The following LASP1 variants were observed in gnomAD, a reference collection of about 807,000 sequenced individuals.
LASP1 encodes the protein LIM and SH3 domain protein 1.
LASP1 carries 10 observed loss-of-function variants against 38.6 expected under a neutral mutation model. The observed-to-expected ratio is 0.26, with a 90% CI of 0.16 to 0.44. The LOEUF is 0.44. LASP1 is among the 20% of genes least tolerant of loss of function. The probability of loss-of-function intolerance (pLI) is 1.00; values close to 1 mark genes in which losing one functional copy is unlikely to be tolerated. For synonymous variants in LASP1, 132 were observed against 140.8 expected, an observed-to-expected ratio of 0.94 and a Z score of 0.44; for missense variants, 243 against 375.7, an observed-to-expected ratio of 0.65 and a Z score of 2.92.
intron 6 of LASP1, chr17:38,915,657 C>G (rs1915100215): frequency 6.6e-6 from 1 of 152,562 alleles, no homozygotes; most frequent in Admixed American, 6.5e-5. Flanking sequence ...TCTGTGTCCC[C>G]TGCTGGGCTG....
chr17:38,902,734 G>A (rs771531080), intron 4 of LASP1, among the ~76,000 whole-genome samples: 2 of 151,720 alleles, frequency 1.3e-5, no homozygotes, highest in Non-Finnish European at 1.5e-5. Flanking sequence ...ATAGAGTCTC[G>A]CTCTGTCGCC....
intron 6 of LASP1, among the ~76,000 whole-genome samples, chr17:38,917,664 TAC>T (rs1042834404): frequency 2.0e-5 from 3 of 152,056 alleles, no homozygotes; most frequent in African/African-American, 7.2e-5. Flanking sequence ...AATAATAGCA[TAC>T]AGGGCATGTT....
intron 4 of LASP1, among the ~76,000 whole-genome samples, chr17:38,911,837 A>G (rs1042756777): frequency 6.6e-6 from 1 of 151,842 alleles, no homozygotes; most frequent in African/African-American, 2.4e-5. Context: ...TCTGTCACCC[A>G]GGCTGGAGTA....
chr17:38,879,369 G>T (rs1326907789), intron 2 of LASP1, among the ~76,000 whole-genome samples: 1 of 151,692 alleles, frequency 6.6e-6, no homozygotes, highest in Non-Finnish European at 1.5e-5. Context: ...TGTTGGCCAG[G>T]CTGGTCTCGA....
intron 3 of LASP1, 115 bp downstream of exon 3, chr17:38,890,619 G>A: frequency 1.1e-6 from 1 of 905,250 alleles, no homozygotes; most frequent in Non-Finnish European, 1.8e-6. Context: ...AGGCCAAGGT[G>A]CTGAAATCCT....
chr17:38,871,317 C>T (rs971131780), intron 1 of LASP1, among the ~76,000 whole-genome samples: 1 of 151,912 alleles, frequency 6.6e-6, no homozygotes, highest in Non-Finnish European at 1.5e-5. Flanking sequence ...TTGTAAGCTC[C>T]GTAAGATCCT....
At chr17:38,914,105 G>A (rs1915038017) in intron 4 of LASP1, among the ~76,000 whole-genome samples, 1 of 152,156 alleles carries the variant, frequency 6.6e-6, no homozygotes, top group Admixed American at 6.5e-5. Context: ...AACAGTGTCT[G>A]AGGGAGACTG....
chr17:38,874,557 G>A (rs922337074), intron 1 of LASP1, among the ~76,000 whole-genome samples: 2 of 152,132 alleles, frequency 1.3e-5, no homozygotes, highest in Admixed American at 6.5e-5. Context: ...TAGGGGAGTC[G>A]CCTGAAGCTG....
rs1598121818 is a variant in LASP1 at position 38,913,675 on chromosome 17, CAG to C, written c.358-647_358-646del. ...TGGTTACTGTGGACCCAGGCGGAAA[CAG>C]AGCAGCCCCGCCCCTGCCGCAGGCA... On this transcript the variant is annotated intron_variant, in intron 4 of 6. Coordinates refer to ENST00000318008, the MANE Select transcript of LASP1 (RefSeq NM_006148.4). 2.6e-5 allele frequency among the ~76,000 whole-genome samples: 4 copies of C among 152,138 alleles called. No homozygotes were observed. The East Asian group carries it at 7.7e-4, about 29-fold the overall frequency.
At chr17:38,898,782 C>T (rs1914561103) in intron 4 of LASP1, 2 of 549,160 alleles carry the variant, frequency 3.6e-6, no homozygotes, top group Non-Finnish European at 7.0e-6. Context: ...CCCCCACTCT[C>T]TCTGACTGTT....
chr17:38,907,397 G>A (rs549567361), intron 4 of LASP1, among the ~76,000 whole-genome samples: 56 of 152,228 alleles, frequency 3.7e-4, no homozygotes, highest in South Asian at 1.2e-3. Flanking sequence ...GGACTTGGGC[G>A]TGTGGTCACC....
intron 1 of LASP1, among the ~76,000 whole-genome samples, chr17:38,874,389 G>A (rs1913698396): frequency 6.6e-6 from 1 of 152,212 alleles, no homozygotes; most frequent in African/African-American, 2.4e-5. Context: ...GACAAGGCAG[G>A]AGTTCTTTCA....
Position 38,912,474 on chromosome 17 carries a change from GTGCCGCAGGATCTGGT to G in LASP1, c.358-1846_358-1831del, listed in dbSNP as rs547389164. ...AGGGCCAGGGTGCCGCTGGGCCAGG[GTGCCGCAGGATCTGGT>G]TGCCACAGGGTCAGGGTGCCGCAAG... On this transcript the variant is annotated intron_variant, in intron 4 of 6. Transcript: ENST00000318008. 5.7e-3 allele frequency among the ~76,000 whole-genome samples: 861 copies of G among 152,152 alleles called. 5 individuals are homozygous for G. Among genetic ancestry groups the G allele is most frequent in the African/African-American group, 0.02 (825 of 41,476 alleles).
chr17:38,905,254 C>T (rs990228024), intron 4 of LASP1, among the ~76,000 whole-genome samples: 5 of 152,200 alleles, frequency 3.3e-5, no homozygotes, highest in Admixed American at 2.6e-4. Context: ...TGGGCCGGGC[C>T]GTGGTGGTTC....
Position 38,873,720 on chromosome 17 carries a change from G to A in LASP1, c.69+3462G>A, listed in dbSNP as rs182902505. 2.6e-5 allele frequency among the ~76,000 whole-genome samples: 4 copies of A among 152,206 alleles called. No homozygotes were observed. The East Asian group carries it at 7.7e-4, about 29-fold the overall frequency. On this transcript the variant is annotated intron_variant, in intron 1 of 6. Transcript: ENST00000318008. ...AGCAAAGATCTATGCCTTTAAGCCA[G>A]CGGGTCAGGTGGCCAACCAAGCTAG...
chr17:38,870,431 G>A (rs187676565), intron 1 of LASP1, among the ~76,000 whole-genome samples, 173 bp downstream of exon 1: 6 of 152,120 alleles, frequency 3.9e-5, no homozygotes, highest in Non-Finnish European at 5.9e-5. Flanking sequence ...TGAAAACCAG[G>A]AGATCTGGGG....
chr17:38,879,399 G>A (rs546217047), intron 2 of LASP1, among the ~76,000 whole-genome samples: 18 of 151,308 alleles, frequency 1.2e-4, no homozygotes, highest in Non-Finnish European at 2.4e-4. Context: ...CTCAAGTGAT[G>A]CACCGCCTCA....
chr17:38,910,278 G>A (rs1274915820), intron 4 of LASP1, among the ~76,000 whole-genome samples: 1 of 152,208 alleles, frequency 6.6e-6, no homozygotes, highest in Non-Finnish European at 1.5e-5. Context: ...GTGGCCATAT[G>A]GCCTCTGTGG....
intron 2 of LASP1, among the ~76,000 whole-genome samples, chr17:38,882,710 G>A (rs1598106427): frequency 6.6e-6 from 1 of 152,302 alleles, no homozygotes; most frequent in Admixed American, 6.5e-5. Flanking sequence ...AACCTGCATC[G>A]TTGTCTCCCT....
Sources: allele counts gnomAD v4.1 joint callset (sites outside exome capture counted in the v4.1 genomes callset), GRCh38; gene constraint gnomAD v4.1.1; transcripts MANE v1.5; gene names NCBI Gene and HGNC (gene_info 2026-07-23, HGNC 2026-07-21).